PTPRD: variants seen among roughly 807,000 people sequenced by gnomAD.
The protein encoded by PTPRD is protein tyrosine phosphatase receptor type D, also known as receptor-type tyrosine-protein phosphatase delta.
A neutral mutation model predicts 214.5 loss-of-function variants in PTPRD; 34 were observed. The observed-to-expected ratio is 0.16, with a 90% CI of 0.12 to 0.21. The LOEUF (loss-of-function observed/expected upper bound fraction) is 0.21, where lower values mean the gene tolerates loss of function less well. Among genes scored for constraint, PTPRD ranks in the 10% least tolerant of loss-of-function variants. The pLI, the probability that PTPRD is intolerant of heterozygous loss-of-function variation, is 1.00. For synonymous variants in PTPRD, 1,128 were observed against 845.7 expected, an observed-to-expected ratio of 1.33 and a Z score of -5.79; for missense variants, 2,545 against 2,398.7, an observed-to-expected ratio of 1.06 and a Z score of -1.27.
chr9:8,346,180 AATAAATT>A (rs1857430471), intron 39 of PTPRD, among the ~76,000 whole-genome samples: 1 of 131,504 alleles, frequency 7.6e-6, no homozygotes, highest in Admixed American at 7.7e-5. Context: ...CCTGCAAAAT[AATAAATT>A]ATAAATTGTT....
chr9:10,574,541 A>AT (rs1439426942), intron 2 of PTPRD, among the ~76,000 whole-genome samples: 3 of 151,976 alleles, frequency 2.0e-5, no homozygotes, highest in Non-Finnish European at 4.4e-5. Context: ...AAGGAAAAAA[A>AT]ATATATCATT....
At chr9:9,166,967 G>C (rs1459860852) in intron 10 of PTPRD, among the ~76,000 whole-genome samples, 1 of 152,040 alleles carries the variant, frequency 6.6e-6, no homozygotes, top group Non-Finnish European at 1.5e-5. Flanking sequence ...TACGCTCTTA[G>C]CTGAGTTAAG....
chr9:9,343,517 G>T (rs545104896), intron 9 of PTPRD, among the ~76,000 whole-genome samples: 1 of 152,082 alleles, frequency 6.6e-6, no homozygotes, highest in South Asian at 2.1e-4. Context: ...CTACATAAAC[G>T]CCTTCTTTTG....
chr9:10,360,539 CAG>C (rs2097359990), intron 2 of PTPRD, among the ~76,000 whole-genome samples: 1 of 152,192 alleles, frequency 6.6e-6, no homozygotes, highest in South Asian at 2.1e-4. Context: ...ATAGAGTTGT[CAG>C]AGAGTGTGAG....
At position 8,517,956 on chromosome 9, in the gene PTPRD, T is replaced by C. The variant is rs1196280775; in HGVS notation, c.1435A>G (p.Ile479Val). 6 of 1,614,190 alleles carry C rather than the reference T, an allele frequency of 3.7e-6. No individual in the cohort carries two copies. Among genetic ancestry groups the C allele is most frequent in the Non-Finnish European group, 4.2e-6 (5 of 1,180,020 alleles). Residue 479 changes from isoleucine to valine, a missense_variant, in exon 21 of 46, where the codon ATT (isoleucine) becomes GTT (valine). By Grantham distance (29) the Ile-to-Val change is conservative. Coordinates refer to ENST00000381196, the MANE Select transcript of PTPRD (RefSeq NM_002839.4). ...GTTTTCTGGGGCACTAAGTTGCCAA[T>C]AGTAGTGATTTGGCTGTCAGCTACA... ...HNVADSQITT[I>V]GNLVPQKTYS...
intron 7 of PTPRD, among the ~76,000 whole-genome samples, chr9:9,724,836 G>T (rs1260216591): frequency 6.6e-6 from 1 of 152,142 alleles, no homozygotes. Context: ...CAGGTAACAA[G>T]TGATATAGCT....
chr9:10,198,622 A>G (rs2099407377), intron 3 of PTPRD, among the ~76,000 whole-genome samples: 1 of 152,158 alleles, frequency 6.6e-6, no homozygotes, highest in Admixed American at 6.6e-5. Context: ...AAAGGATAAA[A>G]TGAAATTTCA....
chr9:8,801,901 A>G (rs1440525893), intron 11 of PTPRD, among the ~76,000 whole-genome samples: 1 of 152,166 alleles, frequency 6.6e-6, no homozygotes, highest in Non-Finnish European at 1.5e-5. Context: ...AGCAGTTTTT[A>G]AAAAAGAAAG....
intron 2 of PTPRD, among the ~76,000 whole-genome samples, chr9:10,373,320 T>C (rs2097667481): frequency 6.6e-6 from 1 of 152,112 alleles, no homozygotes; most frequent in African/African-American, 2.4e-5. Flanking sequence ...ATTTAGCCTC[T>C]ACTGAAAACC....
At chr9:8,669,095 C>A (rs1442520835) in intron 12 of PTPRD, among the ~76,000 whole-genome samples, 17 of 152,036 alleles carry the variant, frequency 1.1e-4, no homozygotes, top group African/African-American at 2.4e-5. Context: ...GTACTCCTTG[C>A]CCCAAAGTGA....
intron 2 of PTPRD, among the ~76,000 whole-genome samples, chr9:10,374,537 T>G (rs988963775): frequency 3.9e-5 from 6 of 151,980 alleles, no homozygotes; most frequent in African/African-American, 1.4e-4. Flanking sequence ...GGAGCCACAC[T>G]CAGATGCCTC....
intron 5 of PTPRD, among the ~76,000 whole-genome samples, chr9:9,831,146 G>T (rs544652279): frequency 2.6e-5 from 4 of 151,888 alleles, no homozygotes; most frequent in Non-Finnish European, 5.9e-5. Flanking sequence ...CACTATGAAG[G>T]TTAAGAGGAA....
At chr9:8,964,615 T>C (rs535778253) in intron 11 of PTPRD, among the ~76,000 whole-genome samples, 29 of 152,050 alleles carry the variant, frequency 1.9e-4, no homozygotes, top group Admixed American at 6.6e-4. Flanking sequence ...GGTTTTGTCT[T>C]GTTTTTCTGG....
intron 10 of PTPRD, among the ~76,000 whole-genome samples, chr9:9,083,033 C>T (rs767869625): frequency 1.1e-4 from 17 of 152,108 alleles, no homozygotes; most frequent in Non-Finnish European, 2.2e-4. Flanking sequence ...ACTTTCTTCA[C>T]AGAATTAGAA....
intron 44 of PTPRD, among the ~76,000 whole-genome samples, chr9:8,324,591 T>C (rs898007044): frequency 5.3e-5 from 8 of 152,196 alleles, no homozygotes; most frequent in Non-Finnish European, 1.0e-4. Flanking sequence ...AGTAGAATGA[T>C]TTACAATCCT....
intron 4 of PTPRD, among the ~76,000 whole-genome samples, chr9:10,004,273 C>G (rs2096412596): frequency 6.6e-6 from 1 of 151,792 alleles, no homozygotes; most frequent in Non-Finnish European, 1.5e-5. Flanking sequence ...TAAAAGCAAT[C>G]ATTAGGCTAT....
intron 3 of PTPRD, among the ~76,000 whole-genome samples, chr9:10,269,271 A>G (rs531150409): frequency 3.3e-5 from 5 of 152,358 alleles, no homozygotes; most frequent in Middle Eastern, 3.4e-3. Context: ...TATTTGATCC[A>G]CGTAAGAGGA....
chr9:8,559,901 A>T (rs1222203413), intron 14 of PTPRD, among the ~76,000 whole-genome samples: 1 of 152,248 alleles, frequency 6.6e-6, no homozygotes, highest in Non-Finnish European at 1.5e-5. Flanking sequence ...AGAGCAATTA[A>T]CATTAATTTG....
chr9:8,743,560 A>G (rs1171636903), intron 11 of PTPRD, among the ~76,000 whole-genome samples: 2 of 152,174 alleles, frequency 1.3e-5, no homozygotes, highest in East Asian at 3.9e-4. Context: ...GAATTAAAGA[A>G]TATTCTCTTC....
Sources: allele counts gnomAD v4.1 joint callset (sites outside exome capture counted in the v4.1 genomes callset), GRCh38; gene constraint gnomAD v4.1.1; transcripts MANE v1.5; gene names NCBI Gene and HGNC (gene_info 2026-07-23, HGNC 2026-07-21).